TADA2A: variants seen among roughly 807,000 people sequenced by gnomAD.
The protein encoded by TADA2A is transcriptional adaptor 2A, also known as transcriptional adapter 2-alpha.
A neutral mutation model predicts 67.4 loss-of-function variants in TADA2A; 38 were observed. The ratio of observed to expected loss-of-function variants is 0.56; its 90% CI spans 0.44 to 0.74. The LOEUF (loss-of-function observed/expected upper bound fraction) is 0.74, where lower values mean the gene tolerates loss of function less well. Ranked by LOEUF, TADA2A falls within the 30% of genes least tolerant of loss-of-function variation. TADA2A has a pLI of 0.00. For synonymous variants in TADA2A, 192 were observed against 181.6 expected, an observed-to-expected ratio of 1.06 and a Z score of -0.46; for missense variants, 454 against 547.0, an observed-to-expected ratio of 0.83 and a Z score of 1.70.
At chr17:37,460,270 T>C (rs1477143426) in intron 9 of TADA2A, among the ~76,000 whole-genome samples, 1 of 151,468 alleles carries the variant, frequency 6.6e-6, no homozygotes, top group African/African-American at 2.4e-5. Flanking sequence ...ACTTTTGAGA[T>C]GGTCTTGCTC....
At chr17:37,467,558 G>GTAC in intron 12 of TADA2A, 33 bp downstream of exon 12, 1 of 1,539,876 alleles carries the variant, frequency 6.5e-7, no homozygotes, top group Non-Finnish European at 8.9e-7. Flanking sequence ...CCGTACTTGA[G>GTAC]GGCAAGTATC....
chr17:37,467,515 C>G lies in TADA2A; in HGVS notation c.885C>G (p.Thr295=), dbSNP rs762533961. The change falls in exon 12 of 16, where the codon ACC becomes ACG. Residue 295 remains threonine (T), a synonymous_variant. Coordinates refer to ENST00000615182, the MANE Select transcript of TADA2A (RefSeq NM_001166105.3). ...RLQEYRTAGI[T]NFCSARTYDH... ...AAGAATACAGGACAGCAGGCATTAC[C>G]AATTTTTGTAGTAAGTATGCTTCAG... The G allele has an allele frequency of 3.0e-5, 48 of 1,613,134 alleles. No individual in the cohort carries two copies. The highest frequency in any genetic ancestry group is 1.6e-4 in the Middle Eastern group (1 of 6,080).
At chr17:37,462,052 C>T in intron 9 of TADA2A, 26 bp from the exon 10 acceptor site, 1 of 1,532,988 alleles carries the variant, frequency 6.5e-7, no homozygotes, top group South Asian at 1.2e-5. Flanking sequence ...TTCTAATGCA[C>T]AAATTATTGT....
intron 12 of TADA2A, among the ~76,000 whole-genome samples, chr17:37,469,004 G>T (rs190986881): frequency 6.6e-6 from 1 of 151,770 alleles, no homozygotes; most frequent in Non-Finnish European, 1.5e-5. Flanking sequence ...AGGTTCAAGC[G>T]AGTCTCCTGC....
chr17:37,451,805 G>A (rs988682597), intron 8 of TADA2A, among the ~76,000 whole-genome samples: 7 of 151,414 alleles, frequency 4.6e-5, no homozygotes, highest in South Asian at 2.1e-4. Context: ...CCAACACGGT[G>A]AAACCCCGTC....
chr17:37,433,703 A>G (rs900199137), intron 4 of TADA2A, among the ~76,000 whole-genome samples: 1 of 152,110 alleles, frequency 6.6e-6, no homozygotes, highest in Non-Finnish European at 1.5e-5. Context: ...CTGTAATCCC[A>G]GCATTTTGGG....
In TADA2A at chr17:37,411,317, A is replaced by C. The variant is rs1420997643; in HGVS notation, c.-49A>C. ...GTGTTGGCCGGTTCTGAAGTCTTGA[A>C]GAAGCTCTGCTGAGGAAGACCAAAG... On this transcript the variant is annotated 5_prime_UTR_variant, in exon 2 of 16. Transcript: ENST00000615182. The C allele has an allele frequency of 6.2e-7, 1 of 1,608,202 alleles. No individual in the cohort carries two copies. The highest frequency in any genetic ancestry group is 2.2e-5 in the East Asian group (1 of 44,864).
chr17:37,412,555 G>A (rs554398975), intron 2 of TADA2A, among the ~76,000 whole-genome samples: 20 of 152,274 alleles, frequency 1.3e-4, no homozygotes, highest in Admixed American at 6.5e-5. Context: ...GGAGGTCGAG[G>A]TGGGTGGATC....
intron 3 of TADA2A, among the ~76,000 whole-genome samples, chr17:37,424,794 G>T (rs2147929508): frequency 6.6e-6 from 1 of 152,284 alleles, no homozygotes; most frequent in East Asian, 1.9e-4. Flanking sequence ...GACCTCAGGT[G>T]ATCTGCCTGC....
intron 4 of TADA2A, among the ~76,000 whole-genome samples, chr17:37,434,266 A>G (rs1348839153): frequency 6.6e-6 from 1 of 152,240 alleles, no homozygotes; most frequent in Non-Finnish European, 1.5e-5. Flanking sequence ...CACAGAGGTG[A>G]ATTGCCTTCT....
chr17:37,434,305 T>G (rs1472871901), intron 4 of TADA2A, among the ~76,000 whole-genome samples: 2 of 152,222 alleles, frequency 1.3e-5, no homozygotes, highest in African/African-American at 4.8e-5. Context: ...GATACATAAT[T>G]TAACACTGGT....
intron 2 of TADA2A, among the ~76,000 whole-genome samples, chr17:37,413,489 C>T (rs991569863): frequency 4.6e-5 from 7 of 152,104 alleles, no homozygotes; most frequent in Admixed American, 1.3e-4. Context: ...TCTGCTTTGT[C>T]ATTTGCATGT....
intron 8 of TADA2A, among the ~76,000 whole-genome samples, chr17:37,453,999 CT>C (rs2053307071): frequency 6.6e-6 from 1 of 151,562 alleles, no homozygotes; most frequent in South Asian, 2.1e-4. Flanking sequence ...TCTTGAACTC[CT>C]TGACCTCAGG....
At chr17:37,450,592 G>C (rs942334018) in intron 8 of TADA2A, 3 of 152,250 alleles carry the variant, frequency 2.0e-5, no homozygotes, top group Non-Finnish European at 4.4e-5. Context: ...CAGGGAGACT[G>C]TGCTTCCCCC....
At chr17:37,437,953 T>G (rs1249265982) in intron 5 of TADA2A, 124 bp downstream of exon 5, 6 of 887,482 alleles carry the variant, frequency 6.8e-6, no homozygotes, top group South Asian at 1.5e-5. Context: ...AACCCATGAT[T>G]TAGAGGCAAG....
chr17:37,461,664 A>ATATG (rs2053549994), intron 9 of TADA2A, among the ~76,000 whole-genome samples: 1 of 152,250 alleles, frequency 6.6e-6, no homozygotes, highest in African/African-American at 2.4e-5. Flanking sequence ...AAAATGTTGA[A>ATATG]TATGTGATCA....
intron 9 of TADA2A, among the ~76,000 whole-genome samples, chr17:37,460,928 A>G (rs1036176290): frequency 6.6e-6 from 1 of 151,990 alleles, no homozygotes; most frequent in African/African-American, 2.4e-5. Flanking sequence ...CTAGGAGTTC[A>G]AGGCCAGTCT....
intron 5 of TADA2A, among the ~76,000 whole-genome samples, chr17:37,439,436 C>A (rs1303167521): frequency 1.3e-5 from 2 of 152,036 alleles, no homozygotes; most frequent in Non-Finnish European, 2.9e-5. Context: ...GCGTGTGCAA[C>A]CACCCCTGGC....
intron 14 of TADA2A, among the ~76,000 whole-genome samples, chr17:37,472,159 G>A (rs1386057191): frequency 2.0e-5 from 3 of 151,898 alleles, no homozygotes; most frequent in South Asian, 2.1e-4. Flanking sequence ...TCTGCCTTCC[G>A]GATTCAAGCG....
Sources: allele counts gnomAD v4.1 joint callset (sites outside exome capture counted in the v4.1 genomes callset), GRCh38; gene constraint gnomAD v4.1.1; transcripts MANE v1.5; gene names NCBI Gene and HGNC (gene_info 2026-07-23, HGNC 2026-07-21).